Variants in PALB2 observed in about 807,000 individuals in gnomAD.
PALB2 encodes mutant partner and localizer of BRCA2.
A neutral mutation model predicts 107.4 loss-of-function variants in PALB2; 82 were observed. The observed-to-expected ratio is 0.76, with a 90% CI of 0.64 to 0.92. PALB2 has a LOEUF of 0.92. Ranked by LOEUF, PALB2 falls within the 40% of genes least tolerant of loss-of-function variation. PALB2 has a pLI of 0.00. For synonymous variants in PALB2, 489 were observed against 496.8 expected (o/e 0.98, Z 0.21); for missense variants, 1,374 against 1,379.9 (o/e 1.00, Z 0.07).
chr16:23,605,841 G>C (rs1441436912), intron 12 of PALB2: 1 of 152,198 alleles, frequency 6.6e-6, no homozygotes, highest in Non-Finnish European at 1.5e-5. Flanking sequence ...TGTAAAACAG[G>C]CCCCAGAAAG....
chr16:23,620,697 G>T (rs1261556100), intron 10 of PALB2, among the ~76,000 whole-genome samples: 1 of 152,180 alleles, frequency 6.6e-6, no homozygotes. Context: ...GTTTTAAATA[G>T]TCTACTCAGA....
Position 23,630,166 on chromosome 16 carries a change from C to T in PALB2, c.1988G>A (p.Arg663His), listed in dbSNP as rs1462734899. 5 of 1,614,142 alleles carry T rather than the reference C, an allele frequency of 3.1e-6. No individual in the cohort carries two copies. Among genetic ancestry groups the T allele is most frequent in the African/African-American group, 1.3e-5 (1 of 75,046 alleles). Residue 663 changes from arginine (R) to histidine (H), a missense_variant, in exon 5 of 13, where the codon CGC (arginine) becomes CAC (histidine). Coordinates refer to ENST00000261584, the MANE Select transcript of PALB2 (RefSeq NM_024675.4). ...TAAGTCCTCCATTTCTGTATCCATG[C>T]GTTTAGGACTCAGTTCCTCTGGAAA... ...CIFPEELSPK[R>H]MDTEMEDLEE...
intron 10 of PALB2, among the ~76,000 whole-genome samples, chr16:23,616,379 A>C (rs1411267017): frequency 6.6e-6 from 1 of 152,252 alleles, no homozygotes; most frequent in African/African-American, 2.4e-5. Flanking sequence ...AAACTGAAGA[A>C]GGAAAATTAA....
rs182494675 is a variant in PALB2, at chr16:23,630,360, C to G, written c.1794G>C (p.Leu598=). ...FTAPFHRDGM[L]SLKQLLSFLS... ...GAAAAGACAGTAGTTGCTTTAAACT[C>G]AGCATTCCATCCCTATGAAATGGAG... Residue 598 remains leucine (L), a synonymous_variant, in exon 5 of 13, where the codon CTG becomes CTC. Coordinates refer to ENST00000261584, the MANE Select transcript of PALB2 (RefSeq NM_024675.4). 6.2e-7 allele frequency: 1 copy of G among 1,614,132 alleles called. No individual in the cohort carries two copies. The highest frequency in any genetic ancestry group is 1.1e-5 in the South Asian group (1 of 91,076).
intron 12 of PALB2, among the ~76,000 whole-genome samples, chr16:23,605,513 A>C (rs567351006): frequency 3.3e-5 from 5 of 152,066 alleles, no homozygotes; most frequent in African/African-American, 1.2e-4. Context: ...GTTTCAAGTG[A>C]CTCTCCTGTC....
At chr16:23,606,124 GTTATCT>G (rs984054726) in intron 12 of PALB2, among the ~76,000 whole-genome samples, 1 of 152,066 alleles carries the variant, frequency 6.6e-6, no homozygotes, top group Non-Finnish European at 1.5e-5. Context: ...TGACCAAGCA[GTTATCT>G]TTATCTTTAA....
At chr16:23,626,208 T>A (rs2142352571) in intron 7 of PALB2, 28 bp downstream of exon 7, 1 of 1,613,990 alleles carries the variant, frequency 6.2e-7, no homozygotes, top group East Asian at 2.2e-5. Context: ...GCTGCAAAGA[T>A]CTCTTTCAGC....
intron 4 of PALB2, among the ~76,000 whole-genome samples, chr16:23,631,279 C>CAAAAAA (rs1157091932): frequency 4.2e-5 from 1 of 23,646 alleles, no homozygotes; most frequent in Non-Finnish European, 8.2e-5. Flanking sequence ...GACTCTGTCT[C>CAAAAAA]AAAAAAAAAA....
Position 23,635,869 on chromosome 16 carries a change from G to A in PALB2, c.677C>T (p.Thr226Ile), listed in dbSNP as rs1967029792. 1.9e-6 allele frequency: 3 copies of A among 1,614,190 alleles called. No homozygotes were observed. Among genetic ancestry groups the A allele is most frequent in the Non-Finnish European group, 2.5e-6 (3 of 1,180,018 alleles). The change falls in exon 4 of 13, where the codon ACT becomes ATT. Residue 226 changes from threonine to isoleucine, a missense_variant. Transcript: ENST00000261584. ...INEDSVLIPPTAQPEKGVDTF... is the reference protein window; with the variant it reads ...INEDSVLIPPIAQPEKGVDTF... ...ATCAACACCTTTTTCTGGTTGGGCAGTTGGTGGAATTAATACACTGTCTTC... is the reference window on the plus strand; with the variant it reads ...ATCAACACCTTTTTCTGGTTGGGCAATTGGTGGAATTAATACACTGTCTTC...
intron 10 of PALB2, among the ~76,000 whole-genome samples, chr16:23,616,559 GGTA>G (rs1221948080): frequency 6.6e-6 from 1 of 152,026 alleles, no homozygotes; most frequent in Non-Finnish European, 1.5e-5. Flanking sequence ...AGGCTTTGAT[GGTA>G]AAGGCATCTT....
intron 11 of PALB2, among the ~76,000 whole-genome samples, chr16:23,611,512 G>A (rs779338089): frequency 6.6e-6 from 1 of 151,376 alleles, no homozygotes; most frequent in South Asian, 2.1e-4. Flanking sequence ...AGGCTGGAGT[G>A]CAGTGGCACA....
At chr16:23,614,897 G>T (rs1466005851) in intron 10 of PALB2, among the ~76,000 whole-genome samples, 1 of 149,936 alleles carries the variant, frequency 6.7e-6, no homozygotes, top group Non-Finnish European at 1.5e-5. Flanking sequence ...TGATCCGCCC[G>T]CCTCGGCCTC....
chr16:23,626,207 A>G (rs765679796), intron 7 of PALB2, 29 bp downstream of exon 7: 23 of 1,613,900 alleles, frequency 1.4e-5, no homozygotes, highest in Non-Finnish European at 1.9e-5. Flanking sequence ...GGCTGCAAAG[A>G]TCTCTTTCAG....
chr16:23,607,648 C>G (rs1397655458), intron 12 of PALB2, among the ~76,000 whole-genome samples: 1 of 152,024 alleles, frequency 6.6e-6, no homozygotes, highest in East Asian at 1.9e-4. Context: ...CTATTAAAAA[C>G]CTATATAACC....
chr16:23,617,384 A>ATG (rs1966702148), intron 10 of PALB2, among the ~76,000 whole-genome samples: 1 of 151,916 alleles, frequency 6.6e-6, no homozygotes, highest in Non-Finnish European at 1.5e-5. Flanking sequence ...GTCTTCAAAA[A>ATG]CGAGAGAGGA....
At chr16:23,617,669 G>C (rs540718592) in intron 10 of PALB2, 3 of 149,948 alleles carry the variant, frequency 2.0e-5, no homozygotes, top group Non-Finnish European at 4.5e-5. Flanking sequence ...GCTTGAGCCT[G>C]AGAGGTTGAG....
intron 1 of PALB2, 31 bp from the exon 2 acceptor site, chr16:23,638,160 G>T: frequency 1.3e-6 from 2 of 1,589,510 alleles, no homozygotes; most frequent in Non-Finnish European, 1.7e-6. Context: ...ACAATACTGG[G>T]CAAGTGGAAA....
In PALB2 at chr16:23,629,644, TCGA is replaced by T. The variant is rs587782697; in HGVS notation, c.2507_2509del (p.Val836del). The T allele has an allele frequency of 6.8e-6, 11 of 1,613,880 alleles. No homozygotes were observed. Among genetic ancestry groups the T allele is most frequent in the African/African-American group, 2.7e-5 (2 of 74,930 alleles). ...CACAGAGGAAATGGATTGTACCTGT[TCGA>T]CGGAATGTTTATGCAGCTCCTGGCA... On this transcript the variant is annotated inframe_deletion, in exon 5 of 13. Transcript: ENST00000261584.
chr16:23,619,367 A>T (rs113056180), intron 10 of PALB2, among the ~76,000 whole-genome samples: 1 of 151,924 alleles, frequency 6.6e-6, no homozygotes, highest in Non-Finnish European at 1.5e-5. Flanking sequence ...TCTTTTTTTG[A>T]GACAGAGTCT....
Sources: allele counts gnomAD v4.1 joint callset (sites outside exome capture counted in the v4.1 genomes callset), GRCh38; gene constraint gnomAD v4.1.1; transcripts MANE v1.5; gene names NCBI Gene and HGNC (gene_info 2026-07-23, HGNC 2026-07-21).